ITPR2: variants seen among roughly 807,000 people sequenced by gnomAD.
ITPR2 encodes the protein inositol 1,4,5-trisphosphate receptor type 2.
A neutral mutation model predicts 317.1 loss-of-function variants in ITPR2; 207 were observed. The observed-to-expected ratio is 0.65, with a 90% CI of 0.58 to 0.73. The LOEUF (loss-of-function observed/expected upper bound fraction) is 0.73. Ranked by LOEUF, ITPR2 falls within the 30% of genes least tolerant of loss-of-function variation. ITPR2 has a pLI of 0.00. For missense variants in ITPR2, 2,613 were observed against 3,284.0 expected (o/e 0.80, Z 4.99); for synonymous variants, 1,156 against 1,149.1 (o/e 1.01, Z -0.12).
chr12:26,605,126 A>AAAAATATATATATATATATAT (rs1555165395), intron 26 of ITPR2, among the ~76,000 whole-genome samples: 13 of 136,318 alleles, frequency 9.5e-5, no homozygotes, highest in African/African-American at 3.2e-4. Context: ...AAAAAATAAA[A>AAAAATATATATATATATATAT]ATATATATAT....
chr12:26,754,727 A>T (rs1949489664), intron 2 of ITPR2, among the ~76,000 whole-genome samples: 1 of 152,194 alleles, frequency 6.6e-6, no homozygotes, highest in African/African-American at 2.4e-5. Context: ...CTGTGAACAT[A>T]TTGGCTAAAG....
chr12:26,512,756 A>G (rs1033471938), intron 37 of ITPR2, among the ~76,000 whole-genome samples: 10 of 151,790 alleles, frequency 6.6e-5, no homozygotes, highest in Non-Finnish European at 1.5e-4. Flanking sequence ...AACTTCTTAC[A>G]TTGACTGAGA....
chr12:26,522,568 G>A (rs1185045335), intron 37 of ITPR2, among the ~76,000 whole-genome samples: 1 of 152,130 alleles, frequency 6.6e-6, no homozygotes, highest in Non-Finnish European at 1.5e-5. Flanking sequence ...AGTTCATTAT[G>A]CTTCTTGATG....
Position 26,572,422 on chromosome 12 carries a change from C to G in ITPR2, c.4630+6291G>C, listed in dbSNP as rs1367106534. ...TAGTTTGGCACGATGTTTTTTAACCCTTTAAGGAAGGGAACTTTGAAAAGG... is the reference window on the plus strand; with the variant it reads ...TAGTTTGGCACGATGTTTTTTAACCGTTTAAGGAAGGGAACTTTGAAAAGG... On this transcript the variant is annotated intron_variant, in intron 34 of 56. Coordinates refer to ENST00000381340, the MANE Select transcript of ITPR2 (RefSeq NM_002223.4). Among the ~76,000 whole-genome samples, 3 of 152,182 alleles carry G rather than the reference C, an allele frequency of 2.0e-5. No homozygotes were observed. In the East Asian group the frequency reaches 5.8e-4, roughly 29 times the overall value.
At chr12:26,825,008 G>A (rs1419607069) in intron 1 of ITPR2, among the ~76,000 whole-genome samples, 3 of 152,194 alleles carry the variant, frequency 2.0e-5, no homozygotes, top group Non-Finnish European at 4.4e-5. Flanking sequence ...AAGGCAGGTA[G>A]ATCACCTGAG....
At chr12:26,775,959 T>TATATA (rs1263788006) in intron 2 of ITPR2, among the ~76,000 whole-genome samples, 9 of 145,170 alleles carry the variant, frequency 6.2e-5, no homozygotes, top group Non-Finnish European at 9.2e-5. Flanking sequence ...TATATGTATA[T>TATATA]CCTATTAGTT....
intron 14 of ITPR2, among the ~76,000 whole-genome samples, chr12:26,665,043 A>C (rs1947592767): frequency 6.6e-6 from 1 of 152,220 alleles, no homozygotes. Context: ...TAATAGAATA[A>C]AAATAATACA....
rs1253254972 is a variant in ITPR2 at position 26,628,302 on chromosome 12, T to C, written c.2935-140A>G. On this transcript the variant is annotated intron_variant, in intron 22 of 56. Coordinates refer to ENST00000381340, the MANE Select transcript of ITPR2 (RefSeq NM_002223.4). ...GAAGCTTTTAACACCAGTTGCCACA[T>C]GTTTGTCAGCAATGACTAAGCAAGG... 9 of 587,570 alleles carry C rather than the reference T, an allele frequency of 1.5e-5. No individual in the cohort carries two copies. In the East Asian group the frequency reaches 2.1e-4, roughly 14 times the overall value. The allele number at this position is 587,570 out of a possible 1,614,324, so 36.4% of individuals were successfully genotyped here.
At chr12:26,740,318 T>C (rs1949208510) in intron 2 of ITPR2, among the ~76,000 whole-genome samples, 1 of 152,212 alleles carries the variant, frequency 6.6e-6, no homozygotes. Context: ...CACATTGGAT[T>C]GAAACACACC....
At chr12:26,383,026 T>G (rs1591978824) in intron 55 of ITPR2, among the ~76,000 whole-genome samples, 1 of 152,336 alleles carries the variant, frequency 6.6e-6, no homozygotes, top group East Asian at 1.9e-4. Context: ...GGGAGGCTTT[T>G]GGGTCATGGG....
intron 2 of ITPR2, among the ~76,000 whole-genome samples, chr12:26,780,256 G>A (rs905727083): frequency 5.3e-5 from 8 of 152,136 alleles, no homozygotes; most frequent in South Asian, 2.1e-4. Flanking sequence ...TGGGGTGATC[G>A]GCCAGCTCCC....
At chr12:26,394,141 A>G (rs1282468658) in intron 54 of ITPR2, among the ~76,000 whole-genome samples, 1 of 152,222 alleles carries the variant, frequency 6.6e-6, no homozygotes, top group Non-Finnish European at 1.5e-5. Flanking sequence ...TCACAACACC[A>G]AACCGTGGCA....
intron 45 of ITPR2, among the ~76,000 whole-genome samples, chr12:26,467,700 A>G (rs1942201872): frequency 6.6e-6 from 1 of 152,126 alleles, no homozygotes; most frequent in Non-Finnish European, 1.5e-5. Context: ...GCAAACAAAT[A>G]ATTGCTTCCA....
chr12:26,492,907 ATG>A (rs984509366), intron 39 of ITPR2, among the ~76,000 whole-genome samples: 4 of 84,718 alleles, frequency 4.7e-5, no homozygotes, highest in African/African-American at 1.1e-4. Context: ...GTGTGTGTGT[ATG>A]TGTGTGTGTG....
intron 37 of ITPR2, among the ~76,000 whole-genome samples, chr12:26,526,339 G>A (rs895111200): frequency 2.0e-5 from 3 of 152,122 alleles, no homozygotes; most frequent in Non-Finnish European, 4.4e-5. Context: ...AAGGAGTCAG[G>A]CACATGAATA....
At chr12:26,459,791 C>T (rs1038256598) in intron 45 of ITPR2, among the ~76,000 whole-genome samples, 4 of 152,182 alleles carry the variant, frequency 2.6e-5, no homozygotes, top group Admixed American at 6.5e-5. Context: ...CCAATGTCTC[C>T]GTACATCTAT....
At chr12:26,428,601 T>A (rs1288663405) in intron 48 of ITPR2, among the ~76,000 whole-genome samples, 2 of 152,158 alleles carry the variant, frequency 1.3e-5, no homozygotes, top group Non-Finnish European at 2.9e-5. Context: ...TACATAGATA[T>A]GTGTATGAGT....
rs1435973744 is a variant in ITPR2 at position 26,550,711 on chromosome 12, TTA to T, written c.4965-358_4965-357del. Among the ~76,000 whole-genome samples the T allele has an allele frequency of 6.6e-5, 10 of 151,912 alleles. No individual in the cohort carries two copies. In the East Asian group the frequency reaches 7.7e-4, roughly 12 times the overall value. ...AATATTTATATTATATTACATTTTA[TTA>T]TGTTATACTATATTATTTTTATATA... On this transcript the variant is annotated intron_variant, in intron 36 of 56. Transcript: ENST00000381340.
At chr12:26,460,357 G>T in intron 45 of ITPR2, among the ~76,000 whole-genome samples, 1 of 152,104 alleles carries the variant, frequency 6.6e-6, no homozygotes, top group South Asian at 2.1e-4. Flanking sequence ...AGAGTGTTGT[G>T]GTTTTTATTC....
Sources: allele counts gnomAD v4.1 joint callset (sites outside exome capture counted in the v4.1 genomes callset), GRCh38; gene constraint gnomAD v4.1.1; transcripts MANE v1.5; gene names NCBI Gene and HGNC (gene_info 2026-07-23, HGNC 2026-07-21).